The following NOMO1 variants were observed in gnomAD, a reference collection of about 807,000 sequenced individuals.
The protein encoded by NOMO1 is nodal modulator 3.
In NOMO1, 40 loss-of-function variants were observed where a neutral mutation model predicts 133.8. That is an observed-to-expected ratio of 0.30 (90% CI 0.23 to 0.39). The LOEUF (loss-of-function observed/expected upper bound fraction) is 0.39, where lower values mean the gene tolerates loss of function less well. Among genes scored for constraint, NOMO1 ranks in the 10% least tolerant of loss-of-function variants. The probability of loss-of-function intolerance (pLI) is 1.00; values close to 1 mark genes in which losing one functional copy is unlikely to be tolerated. For synonymous variants in NOMO1, 236 were observed against 570.5 expected (o/e 0.41, Z 8.36); for missense variants, 462 against 1,419.9 (o/e 0.33, Z 10.84).
chr16:14,856,447 AG>A (rs1200918468), intron 9 of NOMO1, among the ~76,000 whole-genome samples: 9 of 151,206 alleles, frequency 6.0e-5, no homozygotes, highest in Admixed American at 2.0e-4. Context: ...TTTGAGACAG[AG>A]TCTTGCTGCG....
chr16:14,836,805 A>T (rs1963520358), intron 1 of NOMO1, among the ~76,000 whole-genome samples: 1 of 144,912 alleles, frequency 6.9e-6, no homozygotes. Context: ...TCCCGGGTTC[A>T]CGCCATTCTC....
rs1963946052 is a variant in NOMO1, at chr16:14,863,260, A to T, written c.1395+73A>T. On this transcript the variant is annotated intron_variant, in intron 12 of 30. Coordinates refer to ENST00000287667, the MANE Select transcript of NOMO1 (RefSeq NM_014287.4). The stretch of plus-strand genomic sequence containing the variant: ...ATTTTTAGAAGGGTTATTAGGTCGA[A>T]TGGGGTTAGAGAAGGAGCATTCCAG... 6.2e-6 allele frequency: 9 copies of T among 1,462,594 alleles called. No individual in the cohort carries two copies. The East Asian group carries it at 2.2e-4, about 35-fold the overall frequency. 90.6% of individuals were successfully genotyped at this position (1,462,594 alleles called of 1,614,324 possible). A position where few individuals can be genotyped will look rare whatever the true frequency, so the allele number is the denominator to read the frequency against.
chr16:14,886,935 G>C (rs1292861842), intron 28 of NOMO1, 73 bp downstream of exon 28: 7 of 1,466,348 alleles, frequency 4.8e-6, no homozygotes, highest in Non-Finnish European at 3.8e-6. Flanking sequence ...AGGAAGCACA[G>C]TTCTCTCCTT....
At chr16:14,879,076 GTAAT>G (rs898178531) in intron 23 of NOMO1, among the ~76,000 whole-genome samples, 1 of 152,010 alleles carries the variant, frequency 6.6e-6, no homozygotes, top group Middle Eastern at 3.4e-3. Flanking sequence ...CTAAGACAGT[GTAAT>G]TAATTTCCCT....
At chr16:14,866,303 A>G (rs1368143499) in intron 14 of NOMO1, among the ~76,000 whole-genome samples, 1 of 150,450 alleles carries the variant, frequency 6.6e-6, no homozygotes, top group Non-Finnish European at 1.5e-5. Context: ...CAAGCCATCC[A>G]AGTGCGTCGG....
chr16:14,867,632 C>T (rs947868562), intron 15 of NOMO1, among the ~76,000 whole-genome samples: 4 of 148,684 alleles, frequency 2.7e-5, no homozygotes, highest in Non-Finnish European at 6.0e-5. Flanking sequence ...TAGATCCCTT[C>T]GTGAATTTTC....
chr16:14,856,473 A>C (rs1261584030), intron 9 of NOMO1, among the ~76,000 whole-genome samples: 1 of 151,128 alleles, frequency 6.6e-6, no homozygotes, highest in Non-Finnish European at 1.5e-5. Flanking sequence ...ACAGGCTGGC[A>C]CTGTCTTGGC....
chr16:14,838,129 A>G (rs1963547263), intron 1 of NOMO1, among the ~76,000 whole-genome samples: 1 of 151,832 alleles, frequency 6.6e-6, no homozygotes, highest in Admixed American at 6.6e-5. Flanking sequence ...AACTTACACG[A>G]GCAACCTAGA....
chr16:14,862,459 G>A (rs1228071226), intron 11 of NOMO1: 2 of 156,834 alleles, frequency 1.3e-5, no homozygotes, highest in African/African-American at 4.8e-5. Flanking sequence ...TTCAATTTTA[G>A]CTTTGCATTT....
rs145176199 is a variant in NOMO1 at position 14,881,712 on chromosome 16, G to A, written c.3027+27G>A. On this transcript the variant is annotated intron_variant, in intron 25 of 30. Coordinates refer to ENST00000287667, the MANE Select transcript of NOMO1 (RefSeq NM_014287.4). ...TGAGACTTGGAATGGGTTTTCTTTG[G>A]GGACTTTTTTTTCATCCTGTGTCCA... is the stretch of plus-strand genomic sequence containing the variant. The A allele has an allele frequency of 9.6e-5, 154 of 1,611,262 alleles. No individual in the cohort carries two copies. In the African/African-American group the frequency reaches 1.2e-3, roughly 13 times the overall value.
At chr16:14,869,924 A>G (rs1964057954) in intron 16 of NOMO1, among the ~76,000 whole-genome samples, 1 of 150,450 alleles carries the variant, frequency 6.6e-6, no homozygotes, top group Admixed American at 6.7e-5. Flanking sequence ...CTGTTTTATT[A>G]TAGTCATCTT....
intron 16 of NOMO1, among the ~76,000 whole-genome samples, chr16:14,871,118 A>T (rs1301909038): frequency 6.6e-6 from 1 of 151,616 alleles, no homozygotes; most frequent in East Asian, 1.9e-4. Flanking sequence ...TTCCTCTGGC[A>T]AGTGATGAAA....
At chr16:14,880,684 T>C (rs1229142587) in intron 24 of NOMO1, among the ~76,000 whole-genome samples, 7 of 152,048 alleles carry the variant, frequency 4.6e-5, no homozygotes, top group Non-Finnish European at 7.4e-5. Flanking sequence ...GCCTGGCCAC[T>C]TTTATTTTTT....
chr16:14,866,256 T>C (rs2151002485), intron 14 of NOMO1, among the ~76,000 whole-genome samples: 1 of 149,618 alleles, frequency 6.7e-6, no homozygotes, highest in East Asian at 2.0e-4. Flanking sequence ...GATGGGGTTT[T>C]GCTATGTTGG....
rs549012487 is a variant in NOMO1, at chr16:14,874,713, C to T, written c.2055-323C>T. On this transcript the variant is annotated intron_variant, in intron 18 of 30. Transcript: ENST00000287667. ...AGTTCTCTATCAGAGCAGTTCTCAG[C>T]GAAGGTAGAATGGAGAACAGAGGAT... Among the ~76,000 whole-genome samples the T allele has an allele frequency of 1.3e-4, 19 of 152,000 alleles. 1 individual carries two copies. The South Asian group carries it at 2.3e-3, about 18-fold the overall frequency.
At position 14,857,495 on chromosome 16, in the gene NOMO1, T is replaced by G; in HGVS notation, c.1070-10T>G. On this transcript the variant is annotated splice_polypyrimidine_tract_variant and intron_variant, in intron 10 of 30. Coordinates refer to ENST00000287667, the MANE Select transcript of NOMO1 (RefSeq NM_014287.4). The stretch of plus-strand genomic sequence containing the variant: ...GGCTTATCTTCTGTTTGTGTGTTTT[T>G]GTTTTACAGTTAAAACAAAAGCTGA... 6.2e-7 allele frequency: 1 copy of G among 1,608,828 alleles called. No homozygotes were observed. The highest frequency in any genetic ancestry group is 8.5e-7 in the Non-Finnish European group (1 of 1,177,786).
At position 14,864,578 on chromosome 16, in the gene NOMO1, T is replaced by C. The variant is rs1963964397; in HGVS notation, c.1396-7T>C. 6.2e-7 allele frequency: 1 copy of C among 1,612,838 alleles called. No individual in the cohort carries two copies. The highest frequency in any genetic ancestry group is 2.2e-5 in the East Asian group (1 of 44,880). On this transcript the variant is annotated splice_region_variant and splice_polypyrimidine_tract_variant and intron_variant, in intron 12 of 30. Coordinates refer to ENST00000287667, the MANE Select transcript of NOMO1 (RefSeq NM_014287.4). The stretch of plus-strand genomic sequence containing the variant: ...CAGCCTCTAACGTTCCATCCACGTT[T>C]CCACAGGTGATGGTTCCTGAGGCAG...
intron 11 of NOMO1, 37 bp downstream of exon 11, chr16:14,857,692 T>C (rs369245097): frequency 1.2e-6 from 2 of 1,613,476 alleles, no homozygotes; most frequent in African/African-American, 1.3e-5. Flanking sequence ...CGCCAGTAAA[T>C]ATGCTGGCAG....
intron 29 of NOMO1, 34 bp downstream of exon 29, chr16:14,889,249 G>A (rs1433993686): frequency 3.7e-6 from 6 of 1,611,648 alleles, no homozygotes; most frequent in Non-Finnish European, 5.1e-6. Flanking sequence ...AAAAACCCAT[G>A]GGCTGGGTTT....
Sources: allele counts gnomAD v4.1 joint callset (sites outside exome capture counted in the v4.1 genomes callset), GRCh38; gene constraint gnomAD v4.1.1; transcripts MANE v1.5; gene names NCBI Gene and HGNC (gene_info 2026-07-23, HGNC 2026-07-21).